Variants in CDK18 observed in about 807,000 individuals in gnomAD.
CDK18 encodes cyclin dependent kinase 18, also known as cyclin-dependent kinase 18.
A neutral mutation model predicts 62.0 loss-of-function variants in CDK18; 52 were observed. That is an observed-to-expected ratio of 0.84 (90% CI 0.67 to 1.06). CDK18 has a LOEUF of 1.06. Ranked by LOEUF, CDK18 falls within the 50% of genes least tolerant of loss-of-function variation. CDK18 has a pLI of 0.00. For synonymous variants in CDK18, 237 were observed against 247.0 expected (o/e 0.96, Z 0.38); for missense variants, 604 against 619.9 (o/e 0.97, Z 0.27).
intron 5 of CDK18, 56 bp downstream of exon 5, chr1:205,525,251 G>GTCTGCCCCTCCTCCAA: frequency 7.5e-7 from 1 of 1,341,324 alleles, no homozygotes; most frequent in Non-Finnish European, 1.1e-6. Flanking sequence ...CTTGGAGGAG[G>GTCTGCCCCTCCTCCAA]GGCAGACCTC....
intron 1 of CDK18, among the ~76,000 whole-genome samples, chr1:205,520,467 G>C (rs922934881): frequency 6.6e-6 from 1 of 152,142 alleles, no homozygotes; most frequent in Non-Finnish European, 1.5e-5. Context: ...GGGAGGCCGA[G>C]GAGGGGCAGA....
intron 4 of CDK18, 143 bp downstream of exon 4, chr1:205,524,500 C>A: frequency 1.2e-6 from 1 of 868,610 alleles, no homozygotes; most frequent in African/African-American, 1.7e-5. Context: ...TGAGTGCATT[C>A]AACTAGCTCG....
At chr1:205,514,134 T>C (rs969941790) in intron 1 of CDK18, among the ~76,000 whole-genome samples, 14 of 152,328 alleles carry the variant, frequency 9.2e-5, no homozygotes, top group Admixed American at 8.5e-4. Context: ...AAGTAAACAG[T>C]TACAGGACAG....
chr1:205,508,545 C>T (rs988680859), intron 1 of CDK18, among the ~76,000 whole-genome samples: 4 of 152,202 alleles, frequency 2.6e-5, no homozygotes, highest in African/African-American at 9.7e-5. Flanking sequence ...AGAATCTCCA[C>T]AGCTACATCT....
At chr1:205,529,226 G>C in intron 11 of CDK18, 98 bp from the exon 12 acceptor site, 4 of 1,361,274 alleles carry the variant, frequency 2.9e-6, no homozygotes, top group Non-Finnish European at 4.1e-6. Flanking sequence ...CTGTGGCCTC[G>C]GCCATCTTTG....
chr1:205,506,649 A>G (rs1282018141), intron 1 of CDK18, among the ~76,000 whole-genome samples: 1 of 152,214 alleles, frequency 6.6e-6, no homozygotes, highest in Non-Finnish European at 1.5e-5. Flanking sequence ...CAGAGGTGGG[A>G]TCCAGCCCAC....
rs753515361 is a variant in CDK18, at chr1:205,523,594, G to A, written c.242G>A (p.Arg81Gln). The change falls in exon 3 of 16, where the codon CGG (arginine) becomes CAG (glutamine). Residue 81 changes from arginine (R) to glutamine (Q), a missense_variant. Physicochemically the swap from Arg to Gln is conservative, Grantham distance 43. Coordinates refer to ENST00000429964, the MANE Select transcript of CDK18 (RefSeq NM_212502.3). ...GQLSPGVQFQ[R>Q]RQNQRRFSME... Reference sequence around the variant, plus strand: ...CTCTCCCCTGGCGTGCAGTTCCAGCGGCGGCAGAACCAGCGCCGCTTCTCC... The same window carrying A: ...CTCTCCCCTGGCGTGCAGTTCCAGCAGCGGCAGAACCAGCGCCGCTTCTCC... 4 of 1,585,070 alleles carry A rather than the reference G, an allele frequency of 2.5e-6. No individual in the cohort carries two copies. The highest frequency in any genetic ancestry group is 1.3e-5 in the African/African-American group (1 of 74,396).
intron 1 of CDK18, among the ~76,000 whole-genome samples, chr1:205,508,209 G>A (rs1219730668): frequency 6.6e-6 from 1 of 152,192 alleles, no homozygotes; most frequent in Non-Finnish European, 1.5e-5. Flanking sequence ...AACCCCTTAC[G>A]TCCCCTTCCC....
At chr1:205,519,583 C>T (rs916246332) in intron 1 of CDK18, among the ~76,000 whole-genome samples, 27 of 152,204 alleles carry the variant, frequency 1.8e-4, no homozygotes, top group Admixed American at 1.0e-3. Context: ...TCCTGTCCTG[C>T]GGGTGGAGAA....
chr1:205,511,436 T>C (rs1667560940), intron 1 of CDK18, among the ~76,000 whole-genome samples: 1 of 152,210 alleles, frequency 6.6e-6, no homozygotes, highest in African/African-American at 2.4e-5. Context: ...ATCATAGTTC[T>C]CTCCAGGCCT....
At chr1:205,510,864 G>T (rs1265073105) in intron 1 of CDK18, among the ~76,000 whole-genome samples, 1 of 152,260 alleles carries the variant, frequency 6.6e-6, no homozygotes, top group Non-Finnish European at 1.5e-5. Flanking sequence ...AACAAGGTGA[G>T]CTGTGTGCTG....
intron 1 of CDK18, among the ~76,000 whole-genome samples, chr1:205,506,547 C>T (rs1299805791): frequency 6.6e-6 from 1 of 152,190 alleles, no homozygotes; most frequent in African/African-American, 2.4e-5. Context: ...CCAAGCAGTG[C>T]GTCACAACTT....
rs938969465 is a variant in CDK18, at chr1:205,516,543, C to T, written c.-21-6604C>T. 2.0e-5 allele frequency among the ~76,000 whole-genome samples: 3 copies of T among 152,160 alleles called. No homozygotes were observed. The highest frequency in any genetic ancestry group is 4.1e-4 in the South Asian group (2 of 4,828). ...CATCTAACATGTGCCTGGAACACAG[C>T]AGGTGCTCCACATGTGCCTGTAAAG... On this transcript the variant is annotated intron_variant, in intron 1 of 15. Transcript: ENST00000429964. The surrounding 1 kb of genome is among the most constrained non-coding windows in gnomAD (Gnocchi z 4.8).
At position 205,528,916 on chromosome 1, in the gene CDK18, T is replaced by G; in HGVS notation, c.975-83T>G. The G allele has an allele frequency of 1.2e-6, 1 of 860,932 alleles. No homozygotes were observed. The allele number at this position is 860,932 out of a possible 1,614,324, so 53.3% of individuals were successfully genotyped here. A position where few individuals can be genotyped will look rare whatever the true frequency, so the allele number is the denominator to read the frequency against. On this transcript the variant is annotated intron_variant, in intron 10 of 15. Coordinates refer to ENST00000429964, the MANE Select transcript of CDK18 (RefSeq NM_212502.3). The surrounding 1 kb of genome is among the most constrained non-coding windows in gnomAD (Gnocchi z 4.2). ...GATCCCTGCAGCCGCCTGTGGCAGGTCGTCATTGGTGCCCTGGTGGAGCAG... is the reference window on the plus strand; with the variant it reads ...GATCCCTGCAGCCGCCTGTGGCAGGGCGTCATTGGTGCCCTGGTGGAGCAG...
Position 205,528,335 on chromosome 1 carries a change from T to C in CDK18, c.974+167T>C, listed in dbSNP as rs1201150382. Among the ~76,000 whole-genome samples, 2 of 152,046 alleles carry C rather than the reference T, an allele frequency of 1.3e-5. No individual in the cohort carries two copies. Among genetic ancestry groups the C allele is most frequent in the African/African-American group, 2.4e-5 (1 of 41,370 alleles). On this transcript the variant is annotated intron_variant, in intron 10 of 15. Transcript: ENST00000429964. This position sits in a 1 kb window ranked among gnomAD's most constrained non-coding sequence, Gnocchi z 4.2. ...ATGTTAAAAAATTAGGTCTGAAATA[T>C]AATAGGTTAGGGTTTCCCTGGCTTA...
Position 205,512,855 on chromosome 1 carries a change from C to A in CDK18, c.-22+8059C>A, listed in dbSNP as rs111469171. ...GGGAAATCCTCCCCATTCCCTCCCC[C>A]TCCTGAGACTGAGAGGTCCCCAGGG... is the stretch of plus-strand genomic sequence containing the variant. On this transcript the variant is annotated intron_variant, in intron 1 of 15. Transcript: ENST00000429964. 5.1e-3 allele frequency among the ~76,000 whole-genome samples: 779 copies of A among 152,296 alleles called. 8 individuals carry two copies. The highest frequency in any genetic ancestry group is 0.018 in the African/African-American group (743 of 41,554).
In CDK18 at chr1:205,528,926, T is replaced by G; in HGVS notation, c.975-73T>G. On this transcript the variant is annotated intron_variant, in intron 10 of 15. Transcript: ENST00000429964. This position sits in a 1 kb window ranked among gnomAD's most constrained non-coding sequence, Gnocchi z 4.2. The stretch of plus-strand genomic sequence containing the variant: ...GCCGCCTGTGGCAGGTCGTCATTGG[T>G]GCCCTGGTGGAGCAGCCCTAGGAAG... 1.0e-6 allele frequency: 1 copy of G among 982,048 alleles called. No homozygotes were observed. The allele number at this position is 982,048 out of a possible 1,614,324, so 60.8% of individuals were successfully genotyped here.
chr1:205,507,907 G>A (rs533567569), intron 1 of CDK18, among the ~76,000 whole-genome samples: 139 of 152,272 alleles, frequency 9.1e-4, no homozygotes, highest in Admixed American at 6.5e-3. Context: ...GGGTTGGATG[G>A]AAATCTTCCA....
At position 205,527,784 on chromosome 1, in the gene CDK18, C is replaced by T; in HGVS notation, c.730-10C>T. On this transcript the variant is annotated splice_polypyrimidine_tract_variant and intron_variant, in intron 8 of 15. Coordinates refer to ENST00000429964, the MANE Select transcript of CDK18 (RefSeq NM_212502.3). The surrounding 1 kb of genome is among the most constrained non-coding windows in gnomAD (Gnocchi z 4.1). ...CCTTCCACCCCACATTTCTCTTCCC[C>T]CTCCCCCAGATTTTCATGTTCCAGC... 4 of 1,613,568 alleles carry T rather than the reference C, an allele frequency of 2.5e-6. No homozygotes were observed. The South Asian group carries it at 4.4e-5, about 18-fold the overall frequency.
Sources: allele counts gnomAD v4.1 joint callset (sites outside exome capture counted in the v4.1 genomes callset), GRCh38; gene constraint gnomAD v4.1.1; non-coding constraint Gnocchi (gnomAD v3.1); transcripts MANE v1.5; gene names NCBI Gene and HGNC (gene_info 2026-07-23, HGNC 2026-07-21).